Variants in UGT1A8 observed in about 807,000 individuals in gnomAD.
The protein encoded by UGT1A8 is UDP-glucuronosyltransferase 1A8.
UGT1A8 carries 39 observed loss-of-function variants against 45.3 expected under a neutral mutation model. The ratio of observed to expected loss-of-function variants is 0.86; its 90% CI spans 0.67 to 1.12. The LOEUF (loss-of-function observed/expected upper bound fraction) is 1.12. UGT1A8 is among the 50% of genes most tolerant of loss of function. The pLI, the probability that UGT1A8 is intolerant of heterozygous loss-of-function variation, is 0.00. For synonymous variants in UGT1A8, 275 were observed against 249.2 expected (o/e 1.10, Z -0.97); for missense variants, 719 against 664.9 (o/e 1.08, Z -0.90).
intron 1 of UGT1A8, among the ~76,000 whole-genome samples, chr2:233,620,224 C>G: frequency 6.6e-6 from 1 of 152,122 alleles, no homozygotes; most frequent in East Asian, 1.9e-4. Context: ...GTAGGCCTTT[C>G]AAAATTAGGC....
intron 1 of UGT1A8, chr2:233,755,082 TCGCGTTTCTA>T (rs745681833): frequency 9.0e-6 from 12 of 1,336,714 alleles, no homozygotes; most frequent in Middle Eastern, 2.1e-4. Context: ...GTCATAGATA[TCGCGTTTCTA>T]CGCGTCCGAC....
At chr2:233,718,488 C>G (rs1328491116) in intron 1 of UGT1A8, among the ~76,000 whole-genome samples, 1 of 152,166 alleles carries the variant, frequency 6.6e-6, no homozygotes, top group Non-Finnish European at 1.5e-5. Flanking sequence ...ATATGGTTAA[C>G]AGAGTAGAAG....
intron 1 of UGT1A8, chr2:233,690,574 G>A (rs1173398260): frequency 1.6e-6 from 2 of 1,287,978 alleles, no homozygotes; most frequent in African/African-American, 3.1e-5. Context: ...CATTCAGCCT[G>A]CAGCAATCCC....
At chr2:233,631,610 A>G (rs1276569916) in intron 1 of UGT1A8, among the ~76,000 whole-genome samples, 1 of 151,930 alleles carries the variant, frequency 6.6e-6, no homozygotes, top group East Asian at 1.9e-4. Context: ...TTTTTTTGAT[A>G]TGCTTGTTGG....
intron 1 of UGT1A8, among the ~76,000 whole-genome samples, chr2:233,619,725 G>T (rs938891486): frequency 1.3e-4 from 20 of 151,758 alleles, no homozygotes; most frequent in African/African-American, 4.1e-4. Flanking sequence ...TAAAGTTTTG[G>T]TTTTTGCGTA....
chr2:233,709,579 A>C (rs936977036), intron 1 of UGT1A8, among the ~76,000 whole-genome samples: 1 of 152,242 alleles, frequency 6.6e-6, no homozygotes, highest in African/African-American at 2.4e-5. Flanking sequence ...AATTCAAAAA[A>C]TATACCAGGA....
At chr2:233,681,953 T>G (rs1575427752) in intron 1 of UGT1A8, 2 of 1,613,576 alleles carry the variant, frequency 1.2e-6, no homozygotes, top group Non-Finnish European at 1.7e-6. Context: ...TCGTGCAGGG[T>G]GGACTGGCCT....
chr2:233,669,783 A>G (rs1179639000), intron 1 of UGT1A8, among the ~76,000 whole-genome samples: 2 of 152,182 alleles, frequency 1.3e-5, no homozygotes, highest in Non-Finnish European at 2.9e-5. Context: ...TCCCGGGTTC[A>G]AGTGATTCTC....
At chr2:233,672,363 T>C in intron 1 of UGT1A8, 1 of 1,614,210 alleles carries the variant, frequency 6.2e-7, no homozygotes, top group Non-Finnish European at 8.5e-7. Flanking sequence ...GTTCTTTTGA[T>C]GCAGTGTTTC....
chr2:233,703,438 T>C (rs182684854), intron 1 of UGT1A8, among the ~76,000 whole-genome samples: 291 of 152,278 alleles, frequency 1.9e-3, no homozygotes, highest in African/African-American at 6.5e-3. Context: ...TCTCTATTTC[T>C]ATGTCGTTAA....
At chr2:233,682,533 A>G in intron 1 of UGT1A8, 1 of 1,613,842 alleles carries the variant, frequency 6.2e-7, no homozygotes, top group Non-Finnish European at 8.5e-7. Flanking sequence ...GGGTTCTCAG[A>G]CGCCATGACT....
At chr2:233,666,602 T>G (rs2074080067) in intron 1 of UGT1A8, among the ~76,000 whole-genome samples, 1 of 152,202 alleles carries the variant, frequency 6.6e-6, no homozygotes, top group African/African-American at 2.4e-5. Context: ...TGTAGATGTT[T>G]TTTTTAAAGT....
chr2:233,669,857 G>C (rs575551395), intron 1 of UGT1A8, among the ~76,000 whole-genome samples: 35 of 152,058 alleles, frequency 2.3e-4, no homozygotes, highest in African/African-American at 8.4e-4. Flanking sequence ...CTAATTTTTT[G>C]CATTTTTAGT....
intron 1 of UGT1A8, among the ~76,000 whole-genome samples, chr2:233,701,256 A>T (rs2075619481): frequency 6.6e-6 from 1 of 152,150 alleles, no homozygotes; most frequent in African/African-American, 2.4e-5. Context: ...GGCTGGGTCA[A>T]ATGGTATTTC....
intron 1 of UGT1A8, among the ~76,000 whole-genome samples, chr2:233,714,517 G>T (rs935645959): frequency 6.6e-6 from 1 of 152,118 alleles, no homozygotes; most frequent in Non-Finnish European, 1.5e-5. Context: ...TTCTTACTAG[G>T]TTAACTTCAT....
intron 1 of UGT1A8, among the ~76,000 whole-genome samples, chr2:233,644,336 G>A (rs1270527317): frequency 6.6e-6 from 1 of 152,174 alleles, no homozygotes; most frequent in Non-Finnish European, 1.5e-5. Flanking sequence ...GGGAGGCTGA[G>A]GTGGGTGGAT....
At chr2:233,764,907 A>G (rs1698684591) in intron 1 of UGT1A8, among the ~76,000 whole-genome samples, 1 of 152,198 alleles carries the variant, frequency 6.6e-6, no homozygotes, top group Non-Finnish European at 1.5e-5. Flanking sequence ...TAAGAGCCAG[A>G]GGACTCACGA....
At position 233,769,594 on chromosome 2, in the gene UGT1A8, G is replaced by T; in HGVS notation, c.1295+1155G>T. 1 of 1,612,864 alleles carries T rather than the reference G, an allele frequency of 6.2e-7. No homozygotes were observed. Among genetic ancestry groups the T allele is most frequent in the South Asian group, 1.1e-5 (1 of 91,060 alleles). ...GAGCATGTTCAGATGAGAGGAGACG[G>T]AACACGGGGACACACCAGCTTGAGC... On this transcript the variant is annotated intron_variant, in intron 4 of 4. Coordinates refer to ENST00000373450, the MANE Select transcript of UGT1A8 (RefSeq NM_019076.5). This position sits in a 1 kb window ranked among gnomAD's most constrained non-coding sequence, Gnocchi z 4.4.
At chr2:233,685,826 T>C (rs2074758418) in intron 1 of UGT1A8, among the ~76,000 whole-genome samples, 1 of 152,198 alleles carries the variant, frequency 6.6e-6, no homozygotes, top group Non-Finnish European at 1.5e-5. Flanking sequence ...CTTCACTAAA[T>C]ATAAAAAATA....
Sources: allele counts gnomAD v4.1 joint callset (sites outside exome capture counted in the v4.1 genomes callset), GRCh38; gene constraint gnomAD v4.1.1; non-coding constraint Gnocchi (gnomAD v3.1); transcripts MANE v1.5; gene names NCBI Gene and HGNC (gene_info 2026-07-23, HGNC 2026-07-21).